LAMB1: variants seen among roughly 807,000 people sequenced by gnomAD.
LAMB1 encodes laminin subunit beta 1.
Under a neutral mutation model 222.3 loss-of-function variants are expected in LAMB1, and 121 were observed. That is an observed-to-expected ratio of 0.54 (90% CI 0.47 to 0.63). The LOEUF is 0.63. LAMB1 is among the 30% of genes least tolerant of loss of function. LAMB1 has a pLI of 0.00. For missense variants in LAMB1, 2,172 were observed against 2,240.8 expected, an observed-to-expected ratio of 0.97 and a Z score of 0.62; for synonymous variants, 794 against 807.2, an observed-to-expected ratio of 0.98 and a Z score of 0.28.
At chr7:107,954,167 T>G (rs2033324684) in intron 21 of LAMB1, among the ~76,000 whole-genome samples, 2 of 151,988 alleles carry the variant, frequency 1.3e-5, no homozygotes, top group African/African-American at 4.8e-5. Flanking sequence ...GATTACATTT[T>G]TTTAAGACAT....
At chr7:107,983,247 C>G (rs988183911) in intron 7 of LAMB1, among the ~76,000 whole-genome samples, 1 of 152,234 alleles carries the variant, frequency 6.6e-6, no homozygotes, top group African/African-American at 2.4e-5. Context: ...TTCCACTCCA[C>G]TCTTCCTTGC....
chr7:107,964,715 T>C, intron 13 of LAMB1, 28 bp from the exon 14 acceptor site: 2 of 1,613,360 alleles, frequency 1.2e-6, no homozygotes, highest in Admixed American at 1.7e-5. Context: ...CCACATCAGC[T>C]GAGTTCATGG....
chr7:107,953,972 C>G (rs2033318724), intron 21 of LAMB1, among the ~76,000 whole-genome samples: 1 of 152,128 alleles, frequency 6.6e-6, no homozygotes, highest in Non-Finnish European at 1.5e-5. Flanking sequence ...ACCATAGTAA[C>G]TTTTTGCACC....
At chr7:107,979,434 G>C (rs996856728) in intron 8 of LAMB1, among the ~76,000 whole-genome samples, 1 of 152,158 alleles carries the variant, frequency 6.6e-6, no homozygotes, top group Non-Finnish European at 1.5e-5. Context: ...AAGGAACCCT[G>C]GGGCTGAGTG....
chr7:107,929,123 C>G lies in LAMB1; in HGVS notation c.4828G>C (p.Glu1610Gln). The G allele has an allele frequency of 6.2e-7, 1 of 1,614,106 alleles. No homozygotes were observed. The highest frequency in any genetic ancestry group is 1.7e-5 in the Admixed American group (1 of 60,022). Reference sequence around the variant, plus strand: ...TCATCTGCTTGTTTAATTGCCTTCTCTGCTGCGACCTGGGCCTTTTCTGCT... The same window carrying G: ...TCATCTGCTTGTTTAATTGCCTTCTGTGCTGCGACCTGGGCCTTTTCTGCT... ...EEAEKAQVAAEKAIKQADEDI... is the reference protein window; with the variant it reads ...EEAEKAQVAAQKAIKQADEDI... Residue 1610 changes from glutamate to glutamine, a missense_variant, in exon 31 of 34, where the codon GAG becomes CAG. By Grantham distance (29) the Glu-to-Gln change is conservative (BLOSUM62 2). Transcript: ENST00000222399.
At chr7:107,947,410 G>A (rs1232766581) in intron 24 of LAMB1, among the ~76,000 whole-genome samples, 1 of 152,216 alleles carries the variant, frequency 6.6e-6, no homozygotes, top group Admixed American at 6.5e-5. Context: ...AAGAGCTGAT[G>A]TTCTTTTTGC....
Position 107,937,472 on chromosome 7 carries a change from A to G in LAMB1, c.3762-195T>C, listed in dbSNP as rs976231767. Among the ~76,000 whole-genome samples, 16 of 152,286 alleles carry G rather than the reference A, an allele frequency of 1.1e-4. No individual in the cohort carries two copies. In the South Asian group the frequency reaches 1.5e-3, roughly 14 times the overall value. Reference sequence around the variant, plus strand: ...AAATCTAACAATTTTTCTTTGTTCAATGACTTTTGAGAGAAACACAGAAGT... The same window carrying G: ...AAATCTAACAATTTTTCTTTGTTCAGTGACTTTTGAGAGAAACACAGAAGT... On this transcript the variant is annotated intron_variant, in intron 25 of 33. Coordinates refer to ENST00000222399, the MANE Select transcript of LAMB1 (RefSeq NM_002291.3).
At chr7:107,934,124 T>A (rs187175002) in intron 27 of LAMB1, among the ~76,000 whole-genome samples, 1 of 152,330 alleles carries the variant, frequency 6.6e-6, no homozygotes, top group African/African-American at 2.4e-5. Context: ...TCATTTTTCT[T>A]TTTTCTTCAT....
chr7:107,975,456 T>G (rs2033833291), intron 10 of LAMB1, 43 bp from the exon 11 acceptor site: 1 of 1,533,338 alleles, frequency 6.5e-7, no homozygotes, highest in African/African-American at 1.4e-5. Flanking sequence ...AGGAGGAAAC[T>G]CAATGTATCT....
Position 107,943,960 on chromosome 7 carries a change from G to A in LAMB1, c.3392-3602C>T, listed in dbSNP as rs566665937. Among the ~76,000 whole-genome samples the A allele has an allele frequency of 4.6e-5, 7 of 152,340 alleles. No individual in the cohort carries two copies. The South Asian group carries it at 1.2e-3, about 27-fold the overall frequency. ...CAGGACTTACGTAACAGAGGAAGAA[G>A]TGATGCCATTTGTAATAAAACTTAC... is the stretch of plus-strand genomic sequence containing the variant. On this transcript the variant is annotated intron_variant, in intron 24 of 33. Transcript: ENST00000222399.
chr7:108,001,496 C>T, intron 3 of LAMB1, 62 bp downstream of exon 3: 3 of 1,484,272 alleles, frequency 2.0e-6, no homozygotes, highest in Non-Finnish European at 2.7e-6. Context: ...CCAGGGCCTG[C>T]CCCTTAGGTC....
chr7:107,940,220 G>A lies in LAMB1; in HGVS notation c.3530C>T (p.Thr1177Ile). The change falls in exon 25 of 34, where the codon ACA becomes ATA. Residue 1177 changes from threonine (T) to isoleucine (I), a missense_variant. Physicochemically the swap from Thr to Ile is moderately conservative, Grantham distance 89 (BLOSUM62 -1). Coordinates refer to ENST00000222399, the MANE Select transcript of LAMB1 (RefSeq NM_002291.3). ...GAGAGCAAAGCACTGGTGGCAGGGT[G>A]TGCAGTCAGGGAAGACCCCCGAGTA... ...RGYSGVFPDC[T>I]PCHQCFALWD... 2 of 1,614,218 alleles carry A rather than the reference G, an allele frequency of 1.2e-6. No individual in the cohort carries two copies. The highest frequency in any genetic ancestry group is 1.7e-5 in the Admixed American group (1 of 60,026).
At chr7:107,990,006 A>T (rs1002221678) in intron 5 of LAMB1, among the ~76,000 whole-genome samples, 1 of 150,190 alleles carries the variant, frequency 6.7e-6, no homozygotes, top group East Asian at 1.9e-4. Context: ...ATAATAAACA[A>T]AAGACCTATG....
At chr7:107,961,069 A>G (rs2033487392) in intron 17 of LAMB1, 137 bp downstream of exon 17, 3 of 943,690 alleles carry the variant, frequency 3.2e-6, no homozygotes, top group Admixed American at 5.3e-5. Flanking sequence ...AGTATAAGCA[A>G]AGTAACCGTG....
Position 107,957,356 on chromosome 7 carries a change from A to ACTC in LAMB1, c.2691-1729_2691-1727dup, listed in dbSNP as rs1318322458. On this transcript the variant is annotated intron_variant, in intron 20 of 33. Transcript: ENST00000222399. ...CAGTGAGCCAAGATCGCACCATTGC[A>ACTC]CTCCAGCCTGAGCAACAGAATGAGA... is the stretch of plus-strand genomic sequence containing the variant. 3.1e-4 allele frequency among the ~76,000 whole-genome samples: 47 copies of ACTC among 152,282 alleles called. 1 individual carries two copies. The East Asian group carries it at 7.0e-3, about 23-fold the overall frequency.
In LAMB1 at chr7:107,940,150, G is replaced by C; in HGVS notation, c.3600C>G (p.Phe1200Leu). Residue 1200 changes from phenylalanine (F) to leucine (L), a missense_variant, in exon 25 of 34, where the codon TTC becomes TTG. By Grantham distance (22) the Phe-to-Leu change is conservative (BLOSUM62 0). Transcript: ENST00000222399. ...TCTTCAAGGCCTTGGCTTTCTCCAG[G>C]AATCTGTGTGTCCTGTTGGTCAGCT... ...IAELTNRTHR[F>L]LEKAKALKIS... The C allele has an allele frequency of 6.2e-7, 1 of 1,614,112 alleles. No homozygotes were observed.
intron 27 of LAMB1, among the ~76,000 whole-genome samples, chr7:107,933,094 T>C (rs2032751389): frequency 1.3e-5 from 2 of 152,214 alleles, no homozygotes; most frequent in Non-Finnish European, 2.9e-5. Flanking sequence ...CCATCACACA[T>C]GCATAGAGTC....
Position 107,985,395 on chromosome 7 carries a change from G to A in LAMB1, c.676+627C>T, listed in dbSNP as rs560603266. ...TCCCAGCACTTTGGGAGGCTGAGGC[G>A]GGTGGATCACCTGAGGTCAGGAGTT... On this transcript the variant is annotated intron_variant, in intron 7 of 33. Transcript: ENST00000222399. 7.2e-5 allele frequency among the ~76,000 whole-genome samples: 11 copies of A among 151,974 alleles called. No individual in the cohort carries two copies. The East Asian group carries it at 1.2e-3, about 16-fold the overall frequency.
chr7:107,980,163 G>A (rs1466965536), intron 8 of LAMB1, among the ~76,000 whole-genome samples: 3 of 150,976 alleles, frequency 2.0e-5, no homozygotes, highest in Non-Finnish European at 4.4e-5. Context: ...AGCTGAAATT[G>A]CACCACTGCA....
Sources: gnomAD v4.1 joint callset for allele counts (sites outside exome capture counted in the v4.1 genomes callset) on GRCh38, gnomAD v4.1.1 for gene constraint, MANE v1.5 for transcripts, NCBI Gene and HGNC (gene_info 2026-07-23, HGNC 2026-07-21) for gene names.